The following ATP8B4 variants were observed in gnomAD, a reference collection of about 807,000 sequenced individuals.
The protein encoded by ATP8B4 is probable phospholipid-transporting ATPase IM.
ATP8B4 carries 133 observed loss-of-function variants against 145.6 expected under a neutral mutation model. The ratio of observed to expected loss-of-function variants is 0.91; its 90% CI spans 0.79 to 1.05. The LOEUF (loss-of-function observed/expected upper bound fraction) is 1.05, where lower values mean the gene tolerates loss of function less well. Ranked by LOEUF, ATP8B4 falls within the 50% of genes least tolerant of loss-of-function variation. ATP8B4 has a pLI of 0.00. For missense variants in ATP8B4, 1,458 were observed against 1,425.2 expected, an observed-to-expected ratio of 1.02 and a Z score of -0.37; for synonymous variants, 507 against 492.9, an observed-to-expected ratio of 1.03 and a Z score of -0.38.
At chr15:50,027,609 C>T (rs2050110060) in intron 6 of ATP8B4, among the ~76,000 whole-genome samples, 1 of 152,164 alleles carries the variant, frequency 6.6e-6, no homozygotes, top group South Asian at 2.1e-4. Flanking sequence ...AAACTCAATT[C>T]CATTTCTCAA....
chr15:49,957,159 A>T (rs2043642362), intron 14 of ATP8B4, among the ~76,000 whole-genome samples: 1 of 152,178 alleles, frequency 6.6e-6, no homozygotes, highest in African/African-American at 2.4e-5. Context: ...TATACATTTC[A>T]GATTAAGAGT....
At chr15:50,173,704 TA>T (rs1024218446) in intron 1 of ATP8B4, among the ~76,000 whole-genome samples, 1 of 151,030 alleles carries the variant, frequency 6.6e-6, no homozygotes, top group Non-Finnish European at 1.5e-5. Flanking sequence ...CAATAAATAC[TA>T]AAAAAATTTA....
chr15:50,012,720 T>C (rs560100640), intron 6 of ATP8B4, among the ~76,000 whole-genome samples: 18 of 152,156 alleles, frequency 1.2e-4, no homozygotes, highest in African/African-American at 3.9e-4. Context: ...GAGGAGAAAA[T>C]AACACTCTAC....
intron 25 of ATP8B4, among the ~76,000 whole-genome samples, chr15:49,871,597 C>A (rs959016575): frequency 6.6e-6 from 1 of 152,224 alleles, no homozygotes; most frequent in Admixed American, 6.5e-5. Context: ...TAGGTTAAGA[C>A]AGACAGAGTT....
At chr15:50,076,072 T>C (rs566902545) in intron 2 of ATP8B4, among the ~76,000 whole-genome samples, 1 of 152,338 alleles carries the variant, frequency 6.6e-6, no homozygotes, top group East Asian at 1.9e-4. Context: ...TTGTTTCATA[T>C]ACATTCAGAT....
chr15:50,018,874 C>T (rs1380088666), intron 6 of ATP8B4: 1 of 1,142,740 alleles, frequency 8.8e-7, no homozygotes, highest in African/African-American at 1.6e-5. Flanking sequence ...AAGCTTCGAC[C>T]ATTATGTCAC....
intron 14 of ATP8B4, among the ~76,000 whole-genome samples, chr15:49,956,940 A>G (rs934807678): frequency 6.6e-6 from 1 of 152,226 alleles, no homozygotes; most frequent in African/African-American, 2.4e-5. Flanking sequence ...GAAAGGGACT[A>G]GTTAGTGGTG....
intron 1 of ATP8B4, among the ~76,000 whole-genome samples, chr15:50,171,335 A>C (rs2044671782): frequency 6.6e-6 from 1 of 152,344 alleles, no homozygotes; most frequent in South Asian, 2.1e-4. Context: ...AATTTAAAAA[A>C]ATTGAAATTA....
intron 1 of ATP8B4, among the ~76,000 whole-genome samples, chr15:50,176,060 A>C (rs935116996): frequency 7.3e-5 from 11 of 151,178 alleles, no homozygotes; most frequent in Non-Finnish European, 1.6e-4. Context: ...TATATACCGC[A>C]GAGTATATAT....
intron 20 of ATP8B4, among the ~76,000 whole-genome samples, chr15:49,909,259 G>A (rs2038965827): frequency 6.6e-6 from 1 of 151,950 alleles, no homozygotes; most frequent in South Asian, 2.1e-4. Context: ...CCAGAGACTG[G>A]AAGACAGACT....
chr15:49,983,836 C>T (rs2046366334), intron 10 of ATP8B4, among the ~76,000 whole-genome samples: 1 of 152,216 alleles, frequency 6.6e-6, no homozygotes, highest in African/African-American at 2.4e-5. Flanking sequence ...ATACCCCATA[C>T]TGGCCTTCTT....
At chr15:50,125,151 C>T (rs1348561722) in intron 1 of ATP8B4, among the ~76,000 whole-genome samples, 1 of 152,114 alleles carries the variant, frequency 6.6e-6, no homozygotes, top group Non-Finnish European at 1.5e-5. Context: ...AGGGCATTTA[C>T]AAGAAAGGAG....
At chr15:49,951,840 C>G (rs1338509282) in intron 14 of ATP8B4, among the ~76,000 whole-genome samples, 1 of 152,082 alleles carries the variant, frequency 6.6e-6, no homozygotes, top group African/African-American at 2.4e-5. Flanking sequence ...CGGGTTTTTC[C>G]TTTCCATATT....
At chr15:50,000,092 T>C (rs899524005) in intron 8 of ATP8B4, among the ~76,000 whole-genome samples, 8 of 152,144 alleles carry the variant, frequency 5.3e-5, no homozygotes, top group Non-Finnish European at 8.8e-5. Flanking sequence ...TATTCAACCA[T>C]TGACTTATTG....
chr15:50,087,331 T>C (rs1204898771), intron 2 of ATP8B4, among the ~76,000 whole-genome samples: 1 of 28,700 alleles, frequency 3.5e-5, no homozygotes, highest in Admixed American at 3.1e-4. Flanking sequence ...AGATCTATAT[T>C]TATATATAAT....
At chr15:49,993,480 C>T (rs899660096) in intron 9 of ATP8B4, among the ~76,000 whole-genome samples, 24 of 152,020 alleles carry the variant, frequency 1.6e-4, no homozygotes, top group Non-Finnish European at 2.5e-4. Flanking sequence ...CAAGAGCAAT[C>T]GTGGGAAGGA....
At chr15:49,895,067 T>TA (rs2037251977) in intron 23 of ATP8B4, 1 of 152,152 alleles carries the variant, frequency 6.6e-6, no homozygotes, top group Non-Finnish European at 1.5e-5. Flanking sequence ...TTAGCGCAGG[T>TA]AAAATATGCC....
At chr15:49,943,164 T>C (rs1331517741) in intron 14 of ATP8B4, among the ~76,000 whole-genome samples, 2 of 151,650 alleles carry the variant, frequency 1.3e-5, no homozygotes, top group Non-Finnish European at 2.9e-5. Context: ...TTTGTAATTA[T>C]CCAGTTAAGG....
chr15:49,928,346 G>A (rs534809515), intron 16 of ATP8B4, among the ~76,000 whole-genome samples: 32 of 152,238 alleles, frequency 2.1e-4, no homozygotes, highest in African/African-American at 7.7e-4. Context: ...TCCAAGAAGA[G>A]AAGTGGGGGA....
Sources: gnomAD v4.1 joint callset for allele counts (sites outside exome capture counted in the v4.1 genomes callset) on GRCh38, gnomAD v4.1.1 for gene constraint, MANE v1.5 for transcripts, NCBI Gene and HGNC (gene_info 2026-07-23, HGNC 2026-07-21) for gene names.